TIAM2: variants seen among roughly 807,000 people sequenced by gnomAD.
TIAM2 encodes the protein TIAM Rac1 associated GEF 2.
TIAM2 carries 80 observed loss-of-function variants against 152.9 expected under a neutral mutation model. The observed-to-expected ratio is 0.52, with a 90% CI of 0.44 to 0.63. The LOEUF is 0.63. TIAM2 is among the 30% of genes least tolerant of loss of function. TIAM2 has a pLI of 0.00. For synonymous variants in TIAM2, 804 were observed against 838.0 expected, an observed-to-expected ratio of 0.96 and a Z score of 0.70; for missense variants, 1,965 against 2,120.1, an observed-to-expected ratio of 0.93 and a Z score of 1.44.
At chr6:154,999,353 C>T (rs1382495400) in intron 1 of TIAM2, among the ~76,000 whole-genome samples, 3 of 149,574 alleles carry the variant, frequency 2.0e-5, no homozygotes, top group African/African-American at 7.4e-5. Context: ...TGGGATTGCA[C>T]CCACCACCAC....
chr6:155,223,957 G>A (rs1775542550), intron 15 of TIAM2, among the ~76,000 whole-genome samples: 1 of 152,178 alleles, frequency 6.6e-6, no homozygotes, highest in Non-Finnish European at 1.5e-5. Flanking sequence ...CTGTGTGGGT[G>A]CCTGGAATCT....
At chr6:155,017,125 C>T (rs1353492389) in intron 1 of TIAM2, among the ~76,000 whole-genome samples, 1 of 152,070 alleles carries the variant, frequency 6.6e-6, no homozygotes, top group Non-Finnish European at 1.5e-5. Flanking sequence ...CCCTCCTTGC[C>T]CACCGCATTC....
chr6:155,176,476 C>T (rs1324057740), intron 9 of TIAM2, among the ~76,000 whole-genome samples: 5 of 152,206 alleles, frequency 3.3e-5, no homozygotes, highest in African/African-American at 1.2e-4. Flanking sequence ...TCAGGTGATC[C>T]ACCCGCCTTG....
intron 1 of TIAM2, among the ~76,000 whole-genome samples, chr6:155,054,252 C>T (rs190322748): frequency 5.9e-5 from 9 of 152,218 alleles, no homozygotes; most frequent in Admixed American, 3.9e-4. Context: ...GAGAGGCACT[C>T]GTACTCTGTG....
chr6:155,029,194 CTGTA>C lies in TIAM2; in HGVS notation c.-209+33707_-209+33710del, dbSNP rs1776731745. ...CTATATGTACTATGTGTTATATACA[CTGTA>C]TGTACTATGTGTTATATACACTATA... On this transcript the variant is annotated intron_variant, in intron 1 of 26. Transcript: ENST00000682666. Among the ~76,000 whole-genome samples, 3 of 87,534 alleles carry C rather than the reference CTGTA, an allele frequency of 3.4e-5. No homozygotes were observed. The Admixed American group carries it at 3.9e-4, about 11-fold the overall frequency. The allele number at this position is 87,534 out of a possible 152,430, so 57.4% of individuals were successfully genotyped here.
At chr6:155,122,879 A>G (rs1458429172) in intron 2 of TIAM2, among the ~76,000 whole-genome samples, 4 of 151,532 alleles carry the variant, frequency 2.6e-5, no homozygotes, top group African/African-American at 4.9e-5. Flanking sequence ...GTTTACATGA[A>G]TGAAATCTGT....
intron 1 of TIAM2, among the ~76,000 whole-genome samples, chr6:155,027,319 C>A (rs1053005893): frequency 6.8e-6 from 1 of 147,994 alleles, no homozygotes; most frequent in Admixed American, 6.9e-5. Context: ...AGCCATCGCA[C>A]CTGTATATTA....
At chr6:155,170,699 C>T (rs1345095004) in intron 9 of TIAM2, among the ~76,000 whole-genome samples, 1 of 152,210 alleles carries the variant, frequency 6.6e-6, no homozygotes, top group Non-Finnish European at 1.5e-5. Context: ...TAGCCACTTA[C>T]AGTGAGAATT....
intron 14 of TIAM2, among the ~76,000 whole-genome samples, chr6:155,187,974 G>A (rs1049857839): frequency 2.0e-5 from 3 of 152,184 alleles, no homozygotes; most frequent in Non-Finnish European, 2.9e-5. Context: ...CAGGGCTGGC[G>A]TGAGCACTCC....
rs1280772410 is a variant in TIAM2 at position 155,253,066 on chromosome 6, T to G, written c.4225+13T>G. 6.2e-7 allele frequency: 1 copy of G among 1,602,964 alleles called. No individual in the cohort carries two copies. Among genetic ancestry groups the G allele is most frequent in the African/African-American group, 1.3e-5 (1 of 74,656 alleles). On this transcript the variant is annotated intron_variant, in intron 24 of 26. Coordinates refer to ENST00000682666, the MANE Select transcript of TIAM2 (RefSeq NM_012454.4). The stretch of plus-strand genomic sequence containing the variant: ...GGGAATCCAGCAGGTAACTGTTTCG[T>G]GCAGTATGATGCCAGAAAAAGCATT...
intron 1 of TIAM2, among the ~76,000 whole-genome samples, chr6:155,028,878 G>C (rs1352323040): frequency 5.3e-5 from 6 of 113,576 alleles, no homozygotes; most frequent in Non-Finnish European, 8.4e-5. Flanking sequence ...TCTATACTAT[G>C]TTATATATAC....
intron 14 of TIAM2, among the ~76,000 whole-genome samples, chr6:155,198,433 C>A (rs76798592): frequency 0.099 from 15,122 of 152,036 alleles, 1,090 homozygotes; most frequent in East Asian, 0.21. Context: ...GAAGCCGAGG[C>A]GGGTGGATCA....
At chr6:155,160,665 T>C (rs145859318) in intron 7 of TIAM2, among the ~76,000 whole-genome samples, 1,895 of 151,858 alleles carry the variant, frequency 0.012, 38 homozygotes, top group African/African-American at 0.044. Context: ...AGAGGCTGAG[T>C]TGGGAGGATC....
chr6:155,112,855 G>T (rs1202960247), intron 2 of TIAM2, among the ~76,000 whole-genome samples: 1 of 152,010 alleles, frequency 6.6e-6, no homozygotes, highest in Non-Finnish European at 1.5e-5. Context: ...CAGAGCTTCA[G>T]CTGTGTCCGG....
chr6:155,182,343 G>C (rs1248461302), intron 13 of TIAM2, 25 bp downstream of exon 13: 1 of 1,575,402 alleles, frequency 6.3e-7, no homozygotes. Context: ...CCGTGCCCCT[G>C]TTGCCTCTTA....
chr6:155,175,015 G>A (rs1420592971), intron 9 of TIAM2, among the ~76,000 whole-genome samples: 1 of 152,194 alleles, frequency 6.6e-6, no homozygotes, highest in Non-Finnish European at 1.5e-5. Flanking sequence ...CAGATGAAAA[G>A]TACCCGAGAG....
chr6:155,050,098 TCAA>T (rs1197167887), intron 1 of TIAM2, among the ~76,000 whole-genome samples: 1 of 152,248 alleles, frequency 6.6e-6, no homozygotes, highest in Non-Finnish European at 1.5e-5. Flanking sequence ...ATAATTTATC[TCAA>T]CAATATTTAT....
At chr6:155,109,877 C>T (rs1411986208) in intron 2 of TIAM2, among the ~76,000 whole-genome samples, 1 of 150,942 alleles carries the variant, frequency 6.6e-6, no homozygotes, top group Non-Finnish European at 1.5e-5. Context: ...CCTGATGTAT[C>T]TTAGATAATT....
intron 14 of TIAM2, among the ~76,000 whole-genome samples, chr6:155,184,299 A>C (rs1317640291): frequency 1.3e-5 from 2 of 152,234 alleles, no homozygotes; most frequent in Non-Finnish European, 2.9e-5. Flanking sequence ...AGTAAACAGC[A>C]AACTTTTAAT....
Sources: allele counts gnomAD v4.1 joint callset (sites outside exome capture counted in the v4.1 genomes callset), GRCh38; gene constraint gnomAD v4.1.1; transcripts MANE v1.5; gene names NCBI Gene and HGNC (gene_info 2026-07-23, HGNC 2026-07-21).